ATP2C2: variants seen among roughly 807,000 people sequenced by gnomAD.
ATP2C2 encodes ATPase secretory pathway Ca2+ transporting 2, also known as calcium-transporting ATPase type 2C member 2.
Under a neutral mutation model 110.8 loss-of-function variants are expected in ATP2C2, and 171 were observed. That is an observed-to-expected ratio of 1.54 (90% CI 1.36 to 1.75). ATP2C2 has a LOEUF of 1.75. Among genes scored for constraint, ATP2C2 ranks in the 40% most tolerant of loss-of-function variants. ATP2C2 has a pLI of 0.00. For missense variants in ATP2C2, 1,963 were observed against 1,235.0 expected (o/e 1.59, Z -8.84); for synonymous variants, 804 against 508.4 (o/e 1.58, Z -7.82).
chr16:84,423,571 C>T (rs1019410770), intron 10 of ATP2C2, among the ~76,000 whole-genome samples: 1 of 152,236 alleles, frequency 6.6e-6, no homozygotes, highest in African/African-American at 2.4e-5. Flanking sequence ...CGCCTACAAA[C>T]AGTGACTTGG....
Position 84,405,256 on chromosome 16 carries a change from G to C in ATP2C2, c.327+12G>C. ...AATACCTGGATCAGGTAGGACCAGA[G>C]GTGTCATTCTTTGCATTAACATGCA... On this transcript the variant is annotated intron_variant, in intron 3 of 26. Transcript: ENST00000262429. The C allele has an allele frequency of 6.2e-7, 1 of 1,602,700 alleles. No individual in the cohort carries two copies. Among genetic ancestry groups the C allele is most frequent in the Non-Finnish European group, 8.5e-7 (1 of 1,171,370 alleles).
At chr16:84,404,388 G>A (rs1905565969) in intron 2 of ATP2C2, 3 of 156,362 alleles carry the variant, frequency 1.9e-5, no homozygotes, top group Admixed American at 1.3e-4. Context: ...TCTACTTTCT[G>A]TCTCTATGAA....
chr16:84,404,786 G>T, intron 2 of ATP2C2: 1 of 355,826 alleles, frequency 2.8e-6, no homozygotes, highest in South Asian at 2.2e-5. Flanking sequence ...CATAACAGCT[G>T]CACCATTTTA....
chr16:84,390,082 C>A lies in ATP2C2; in HGVS notation c.100-8417C>A, dbSNP rs145523855. On this transcript the variant is annotated intron_variant, in intron 1 of 26. Coordinates refer to ENST00000262429, the MANE Select transcript of ATP2C2 (RefSeq NM_014861.4). The stretch of plus-strand genomic sequence containing the variant: ...CCCGGCTGTTATACCCTTAGCCCCC[C>A]ACATTCCAGGGGAGGAAACTGAGGC... 1.7e-3 allele frequency among the ~76,000 whole-genome samples: 253 copies of A among 152,350 alleles called. 3 individuals are homozygous for A. The highest frequency in any genetic ancestry group is 5.9e-3 in the African/African-American group (247 of 41,588).
In ATP2C2 at chr16:84,440,759, T is replaced by C. The variant is rs563846930; in HGVS notation, c.1210-98T>C. The C allele has an allele frequency of 2.6e-5, 22 of 858,900 alleles. 1 individual carries two copies. In the African/African-American group the frequency reaches 3.3e-4, roughly 13 times the overall value. The allele number at this position is 858,900 out of a possible 1,614,324, so 53.2% of individuals were successfully genotyped here. A position where few individuals can be genotyped will look rare whatever the true frequency, so the allele number is the denominator to read the frequency against. ...AAAGCCCTGTCCACGTTTAGGATTGTGTCCCTGGAATGGATCCCCAGGACA... is the reference window on the plus strand; with the variant it reads ...AAAGCCCTGTCCACGTTTAGGATTGCGTCCCTGGAATGGATCCCCAGGACA... On this transcript the variant is annotated intron_variant, in intron 13 of 26. Transcript: ENST00000262429.
rs57290176 is a variant in ATP2C2 at position 84,396,549 on chromosome 16, C to CAA, written c.100-1928_100-1927dup. On this transcript the variant is annotated intron_variant, in intron 1 of 26. Transcript: ENST00000262429. Reference sequence around the variant, plus strand: ...TGGGTGACAGAGTGAGGCTCTATCTCAAAAAAAAAAAAAAAAAAAAAAAGG... The same window carrying CAA: ...TGGGTGACAGAGTGAGGCTCTATCTCAAAAAAAAAAAAAAAAAAAAAAAAAGG... 2.0e-3 allele frequency among the ~76,000 whole-genome samples: 146 copies of CAA among 74,672 alleles called. 3 individuals carry two copies. The East Asian group carries it at 0.037, about 19-fold the overall frequency. The allele number at this position is 74,672 out of a possible 152,430, so 49.0% of individuals were successfully genotyped here. A position where few individuals can be genotyped will look rare whatever the true frequency, so the allele number is the denominator to read the frequency against.
Position 84,448,690 on chromosome 16 carries a change from G to T in ATP2C2, c.1660+1G>T, listed in dbSNP as rs1243772030. On this transcript the variant is annotated splice_donor_variant, in intron 17 of 26. Transcript: ENST00000262429. LOFTEE classifies it high-confidence loss of function. ...AGGATGGGGTCGCTCGGTTTGCGGG[G>T]TCAGTGCCTGTGGTCCCGGCCCAGA... 2 of 1,610,320 alleles carry T rather than the reference G, an allele frequency of 1.2e-6. No individual in the cohort carries two copies. Among genetic ancestry groups the T allele is most frequent in the African/African-American group, 1.3e-5 (1 of 74,942 alleles).
At chr16:84,451,324 C>G (rs1344963095) in intron 17 of ATP2C2, among the ~76,000 whole-genome samples, 1 of 152,164 alleles carries the variant, frequency 6.6e-6, no homozygotes, top group Non-Finnish European at 1.5e-5. Context: ...ATGGGAGCTA[C>G]AGTTCAAGAT....
At chr16:84,408,756 C>T (rs1209764463) in intron 4 of ATP2C2, among the ~76,000 whole-genome samples, 1 of 151,994 alleles carries the variant, frequency 6.6e-6, no homozygotes, top group Non-Finnish European at 1.5e-5. Context: ...ATTCCTTTCC[C>T]GTGACCCTGG....
chr16:84,399,991 A>G (rs543331095), intron 2 of ATP2C2, among the ~76,000 whole-genome samples: 64 of 151,944 alleles, frequency 4.2e-4, no homozygotes, highest in Middle Eastern at 3.4e-3. Context: ...TCCACTAATC[A>G]GCGAGAACCT....
At chr16:84,463,264 G>T (rs1232059145) in intron 26 of ATP2C2, among the ~76,000 whole-genome samples, 1 of 152,078 alleles carries the variant, frequency 6.6e-6, no homozygotes, top group Non-Finnish European at 1.5e-5. Context: ...AGGGAGCCCA[G>T]ACTGGTCACT....
In ATP2C2 at chr16:84,448,533, G is replaced by T. The variant is rs1375572222; in HGVS notation, c.1504G>T (p.Asp502Tyr). ...ATTTCTTCCCTTTGTCTTTTCTAAGGATCAGGAAGACATTTACTTCATGAA... is the reference window on the plus strand; with the variant it reads ...ATTTCTTCCCTTTGTCTTTTCTAAGTATCAGGAAGACATTTACTTCATGAA... ...MAVKCSLKTE[D>Y]QEDIYFMKGA... The change falls in exon 17 of 27, where the codon GAT becomes TAT. Residue 502 changes from aspartate (D) to tyrosine (Y), a missense_variant and splice_region_variant. Coordinates refer to ENST00000262429, the MANE Select transcript of ATP2C2 (RefSeq NM_014861.4). The T allele has an allele frequency of 6.2e-7, 1 of 1,609,232 alleles. No homozygotes were observed. The highest frequency in any genetic ancestry group is 8.5e-7 in the Non-Finnish European group (1 of 1,176,616).
intron 10 of ATP2C2, among the ~76,000 whole-genome samples, chr16:84,425,332 C>A (rs943640315): frequency 6.6e-6 from 1 of 152,148 alleles, no homozygotes; most frequent in Non-Finnish European, 1.5e-5. Context: ...ATGAGTACCA[C>A]AGAGTAAAAT....
intron 1 of ATP2C2, among the ~76,000 whole-genome samples, chr16:84,390,547 A>G (rs1260496039): frequency 1.3e-5 from 2 of 152,162 alleles, no homozygotes; most frequent in African/African-American, 4.8e-5. Context: ...AGGCACAGAC[A>G]CAGAAGATGG....
Position 84,455,030 on chromosome 16 carries a change from G to A in ATP2C2, c.2147+46G>A, listed in dbSNP as rs767024278. The A allele has an allele frequency of 2.0e-6, 3 of 1,517,140 alleles. No individual in the cohort carries two copies. In the South Asian group the frequency reaches 3.4e-5, roughly 17 times the overall value. 94.0% of individuals were successfully genotyped at this position (1,517,140 alleles called of 1,614,324 possible). ...TTTTTCAGTTGCAAAAATGCCTGGG[G>A]TCACCAGCTTCTCCCTGGAACCTGC... On this transcript the variant is annotated intron_variant, in intron 21 of 26. Coordinates refer to ENST00000262429, the MANE Select transcript of ATP2C2 (RefSeq NM_014861.4).
intron 14 of ATP2C2, among the ~76,000 whole-genome samples, chr16:84,441,281 A>T (rs906078657): frequency 9.9e-5 from 15 of 152,196 alleles, no homozygotes; most frequent in African/African-American, 3.6e-4. Context: ...ATTTTTTTTA[A>T]AAAAATTATT....
intron 2 of ATP2C2, chr16:84,404,803 C>G (rs1358319238): frequency 2.8e-6 from 1 of 362,938 alleles, no homozygotes; most frequent in East Asian, 6.9e-5. Context: ...TTTACATTCC[C>G]AAGACCTTTT....
intron 1 of ATP2C2, among the ~76,000 whole-genome samples, chr16:84,371,938 A>G (rs1203464553): frequency 2.0e-5 from 3 of 152,238 alleles, no homozygotes; most frequent in Non-Finnish European, 4.4e-5. Flanking sequence ...ACAGGCACCC[A>G]GCAACTGGTC....
At position 84,459,100 on chromosome 16, in the gene ATP2C2, A is replaced by G. The variant is rs1170930663; in HGVS notation, c.2148-20A>G. The G allele has an allele frequency of 6.2e-7, 1 of 1,613,954 alleles. No individual in the cohort carries two copies. Among genetic ancestry groups the G allele is most frequent in the Non-Finnish European group, 8.5e-7 (1 of 1,179,954 alleles). On this transcript the variant is annotated intron_variant, in intron 21 of 26. Coordinates refer to ENST00000262429, the MANE Select transcript of ATP2C2 (RefSeq NM_014861.4). ...TCACGCAGGCCCGCTCCGTGAGTAAATGGCTCTCTTCTCTTGCAGGAATGC... is the reference window on the plus strand; with the variant it reads ...TCACGCAGGCCCGCTCCGTGAGTAAGTGGCTCTCTTCTCTTGCAGGAATGC...
Sources: allele counts gnomAD v4.1 joint callset (sites outside exome capture counted in the v4.1 genomes callset), GRCh38; gene constraint gnomAD v4.1.1; transcripts MANE v1.5; gene names NCBI Gene and HGNC (gene_info 2026-07-23, HGNC 2026-07-21).